Variants in SUMF1 observed in about 807,000 individuals in gnomAD.
SUMF1 encodes sulfatase modifying factor 1, also known as formylglycine-generating enzyme.
In SUMF1, 48 loss-of-function variants were observed where a neutral mutation model predicts 47.6. The ratio of observed to expected loss-of-function variants is 1.01; its 90% CI spans 0.80 to 1.28. The LOEUF is 1.28. Ranked by LOEUF, SUMF1 falls within the 50% of genes most tolerant of loss-of-function variation. The probability of loss-of-function intolerance (pLI) is 0.00; values close to 1 mark genes in which losing one functional copy is unlikely to be tolerated. For synonymous variants in SUMF1, 230 were observed against 192.1 expected, an observed-to-expected ratio of 1.20 and a Z score of -1.63; for missense variants, 571 against 485.4, an observed-to-expected ratio of 1.18 and a Z score of -1.66.
chr3:4,102,125 G>A (rs185787096), intron 8 of SUMF1, among the ~76,000 whole-genome samples: 72 of 152,224 alleles, frequency 4.7e-4, no homozygotes, highest in African/African-American at 1.5e-3. Context: ...TGGAGATTAC[G>A]GGAACTACAA....
At chr3:4,414,231 T>G (rs1270876380) in intron 6 of SUMF1, among the ~76,000 whole-genome samples, 1 of 152,168 alleles carries the variant, frequency 6.6e-6, no homozygotes, top group Non-Finnish European at 1.5e-5. Flanking sequence ...CTTGGAAGGC[T>G]GGGGTGGAAA....
At chr3:4,109,813 G>C (rs911287549) in intron 8 of SUMF1, among the ~76,000 whole-genome samples, 1 of 152,040 alleles carries the variant, frequency 6.6e-6, no homozygotes, top group Non-Finnish European at 1.5e-5. Flanking sequence ...GGTTATTCTA[G>C]TTCGCCATTC....
intron 8 of SUMF1, among the ~76,000 whole-genome samples, chr3:4,177,038 G>A (rs1320006398): frequency 1.3e-5 from 2 of 152,072 alleles, no homozygotes; most frequent in East Asian, 1.9e-4. Flanking sequence ...TATTCATAAA[G>A]CAAGTCTTTA....
At chr3:4,413,168 C>G (rs1051197819) in intron 6 of SUMF1, among the ~76,000 whole-genome samples, 1 of 152,016 alleles carries the variant, frequency 6.6e-6, no homozygotes, top group Non-Finnish European at 1.5e-5. Flanking sequence ...CCACAACCGA[C>G]TAATTTTTGG....
chr3:4,073,209 C>T (rs1692324707), intron 8 of SUMF1, among the ~76,000 whole-genome samples: 1 of 152,132 alleles, frequency 6.6e-6, no homozygotes, highest in African/African-American at 2.4e-5. Context: ...GAATTTTCAA[C>T]CCAGAATTTC....
chr3:4,426,759 G>A (rs1702081430), intron 3 of SUMF1, among the ~76,000 whole-genome samples: 1 of 152,130 alleles, frequency 6.6e-6, no homozygotes, highest in African/African-American at 2.4e-5. Context: ...TTTGGATGTG[G>A]TTGTCCACCT....
At chr3:4,117,526 T>G (rs1460802672) in intron 8 of SUMF1, among the ~76,000 whole-genome samples, 4 of 152,054 alleles carry the variant, frequency 2.6e-5, no homozygotes. Flanking sequence ...GGGAAGAAAA[T>G]AGGTGGCTTC....
chr3:4,306,608 G>A (rs528669704), intron 8 of SUMF1, among the ~76,000 whole-genome samples: 16 of 152,178 alleles, frequency 1.1e-4, no homozygotes, highest in Non-Finnish European at 2.4e-4. Flanking sequence ...TTACCAAGAA[G>A]ATCAAACATG....
intron 9 of SUMF1, among the ~76,000 whole-genome samples, chr3:4,056,967 C>T (rs1695202871): frequency 1.3e-5 from 2 of 151,722 alleles, no homozygotes; most frequent in African/African-American, 2.4e-5. Context: ...AGGATGGTCT[C>T]GATCTCCTGA....
At chr3:4,340,069 C>G (rs775474844) in intron 8 of SUMF1, among the ~76,000 whole-genome samples, 16 of 151,626 alleles carry the variant, frequency 1.1e-4, no homozygotes, top group Non-Finnish European at 2.2e-4. Flanking sequence ...CAGAGTGAGA[C>G]CTTGTCTCAA....
chr3:4,253,485 AAAAG>A (rs1696857665), intron 8 of SUMF1, among the ~76,000 whole-genome samples: 1 of 152,064 alleles, frequency 6.6e-6, no homozygotes, highest in African/African-American at 2.4e-5. Flanking sequence ...CTTTCCGAGT[AAAAG>A]AAAGGGGTGA....
At chr3:4,158,401 TGAG>T (rs1694502089) in intron 8 of SUMF1, among the ~76,000 whole-genome samples, 2 of 151,678 alleles carry the variant, frequency 1.3e-5, no homozygotes, top group Admixed American at 1.3e-4. Context: ...ATCCATGTGC[TGAG>T]GAGAAGAATG....
chr3:4,348,542 G>T (rs1344623524), intron 8 of SUMF1, among the ~76,000 whole-genome samples: 3 of 152,088 alleles, frequency 2.0e-5, no homozygotes, highest in South Asian at 2.1e-4. Context: ...ATGGATTAAA[G>T]ACTTAAATGT....
At chr3:4,270,396 GCTCT>G (rs907930654) in intron 8 of SUMF1, among the ~76,000 whole-genome samples, 10 of 150,814 alleles carry the variant, frequency 6.6e-5, no homozygotes, top group African/African-American at 1.9e-4. Flanking sequence ...TTCTCTCTTT[GCTCT>G]CTCTCTCTTT....
chr3:4,303,769 CT>C, intron 8 of SUMF1: 1 of 1,457,636 alleles, frequency 6.9e-7, no homozygotes, highest in Non-Finnish European at 9.2e-7. Context: ...AACCGGAGGC[CT>C]TGTGAGAACC....
intron 7 of SUMF1, among the ~76,000 whole-genome samples, chr3:4,407,085 GACACACACACAC>G (rs113556805): frequency 6.7e-6 from 1 of 148,562 alleles, no homozygotes; most frequent in African/African-American, 2.5e-5. Context: ...ACACACATGG[GACACACACACAC>G]ACACACACAC....
Position 4,147,272 on chromosome 3 carries a change from C to G in SUMF1, c.1015-78527G>C, listed in dbSNP as rs1006336004. Among the ~76,000 whole-genome samples, 18 of 152,166 alleles carry G rather than the reference C, an allele frequency of 1.2e-4. 2 individuals carry two copies. Among genetic ancestry groups the G allele is most frequent in the Non-Finnish European group, 2.1e-4 (14 of 68,004 alleles). The stretch of plus-strand genomic sequence containing the variant: ...GTCAGTGTGGCGATTCCTCAGGGAT[C>G]TAGAACTAGAAATACCATTTGACCC... On this transcript the variant is annotated intron_variant and NMD_transcript_variant, in intron 8 of 12. Transcript: ENST00000448413.
Position 4,078,684 on chromosome 3 carries a change from A to C in SUMF1, c.1015-9939T>G, listed in dbSNP as rs113982927. ...ACAGCAGGAGAATCACTTGAGGCCA[A>C]GAGTTCAAGTCCAAGAATTTGAGTC... On this transcript the variant is annotated intron_variant and NMD_transcript_variant, in intron 8 of 12. Transcript: ENST00000448413. Among the ~76,000 whole-genome samples the C allele has an allele frequency of 7.8e-3, 1,182 of 152,118 alleles. 11 individuals carry two copies. The highest frequency in any genetic ancestry group is 0.027 in the African/African-American group (1,118 of 41,464).
At chr3:4,462,364 C>T (rs563462054) in intron 1 of SUMF1, among the ~76,000 whole-genome samples, 4 of 152,252 alleles carry the variant, frequency 2.6e-5, no homozygotes, top group South Asian at 2.1e-4. Flanking sequence ...AGGGACATTA[C>T]CTGACAATGG....
Sources: gnomAD v4.1 joint callset for allele counts (sites outside exome capture counted in the v4.1 genomes callset) on GRCh38, gnomAD v4.1.1 for gene constraint, MANE v1.5 for transcripts, NCBI Gene and HGNC (gene_info 2026-07-23, HGNC 2026-07-21) for gene names.